The following DPY19L4 variants were observed in gnomAD, a reference collection of about 807,000 sequenced individuals.
DPY19L4 encodes the protein dpy-19 like 4.
Under a neutral mutation model 102.8 loss-of-function variants are expected in DPY19L4, and 97 were observed. The ratio of observed to expected loss-of-function variants is 0.94; its 90% CI spans 0.80 to 1.12. The LOEUF (loss-of-function observed/expected upper bound fraction) is 1.12, where lower values mean the gene tolerates loss of function less well. DPY19L4 is among the 50% of genes most tolerant of loss of function. DPY19L4 has a pLI of 0.00. For missense variants in DPY19L4, 815 were observed against 850.4 expected (o/e 0.96, Z 0.52); for synonymous variants, 252 against 283.1 (o/e 0.89, Z 1.10).
Position 94,792,019 on chromosome 8 carries a change from A to C in DPY19L4, c.*2109A>C, listed in dbSNP as rs908339647. 2.0e-5 allele frequency: 3 copies of C among 152,130 alleles called. No homozygotes were observed. Among genetic ancestry groups the C allele is most frequent in the Non-Finnish European group, 2.9e-5 (2 of 68,024 alleles). The allele number at this position is 152,130 out of a possible 1,614,324, so 9.4% of individuals were successfully genotyped here. On this transcript the variant is annotated 3_prime_UTR_variant, in exon 19 of 19. Transcript: ENST00000414645. ...TGGAAAGCATTTAGTTTATTTCTTC[A>C]CTTATTTGTAGAGTGAACAAATGAT...
chr8:94,747,554 C>CTTTTTTTTT (rs1012621845), intron 6 of DPY19L4, among the ~76,000 whole-genome samples: 1 of 105,498 alleles, frequency 9.5e-6, no homozygotes, highest in Non-Finnish European at 1.9e-5. Flanking sequence ...TATGATGGTT[C>CTTTTTTTTT]TTTTTTTTTT....
chr8:94,766,500 C>T, intron 10 of DPY19L4, 112 bp from the exon 11 acceptor site: 2 of 843,998 alleles, frequency 2.4e-6, no homozygotes, highest in Non-Finnish European at 3.7e-6. Context: ...ATTATTTATT[C>T]ATATTTTTGT....
At chr8:94,724,240 C>T (rs752341461) in intron 1 of DPY19L4, among the ~76,000 whole-genome samples, 13 of 152,278 alleles carry the variant, frequency 8.5e-5, no homozygotes, top group Middle Eastern at 3.4e-3. Context: ...GTTAATTTGA[C>T]TTCTGAAATT....
At chr8:94,732,936 A>C (rs1388033240) in intron 2 of DPY19L4, among the ~76,000 whole-genome samples, 1 of 149,750 alleles carries the variant, frequency 6.7e-6, no homozygotes, top group Admixed American at 6.7e-5. Context: ...TCAGCCTCCC[A>C]AGTAGCTGGG....
intron 6 of DPY19L4, among the ~76,000 whole-genome samples, chr8:94,746,587 A>G (rs1220314768): frequency 6.6e-6 from 1 of 152,194 alleles, no homozygotes; most frequent in African/African-American, 2.4e-5. Flanking sequence ...TTGTTTCTCA[A>G]ACTTCAGTTA....
intron 13 of DPY19L4, among the ~76,000 whole-genome samples, chr8:94,775,544 C>T (rs190847447): frequency 1.3e-5 from 2 of 152,292 alleles, no homozygotes; most frequent in Admixed American, 1.3e-4. Flanking sequence ...CCAGGCTAGT[C>T]GTGAACATCT....
At chr8:94,776,700 C>T (rs1380471843) in intron 13 of DPY19L4, among the ~76,000 whole-genome samples, 1 of 151,772 alleles carries the variant, frequency 6.6e-6, no homozygotes, top group East Asian at 2.0e-4. Context: ...TGCGGTGGCT[C>T]ATGCCTGTAA....
chr8:94,782,970 T>C (rs979941106), intron 16 of DPY19L4, among the ~76,000 whole-genome samples: 1 of 152,244 alleles, frequency 6.6e-6, no homozygotes, highest in African/African-American at 2.4e-5. Flanking sequence ...TTTGTATCTG[T>C]TTCCTCACTA....
chr8:94,734,899 A>G (rs1811130590), intron 3 of DPY19L4, 145 bp downstream of exon 3: 2 of 1,116,186 alleles, frequency 1.8e-6, no homozygotes, highest in African/African-American at 3.2e-5. Context: ...TAGTTACAGT[A>G]TCAACCTTAA....
intron 3 of DPY19L4, among the ~76,000 whole-genome samples, chr8:94,736,231 C>T (rs1811183949): frequency 6.6e-6 from 1 of 152,190 alleles, no homozygotes; most frequent in Non-Finnish European, 1.5e-5. Flanking sequence ...ACCTCCCAGA[C>T]ATCCCACTTC....
chr8:94,732,001 G>C (rs1053474316), intron 2 of DPY19L4, among the ~76,000 whole-genome samples: 22 of 152,002 alleles, frequency 1.4e-4, no homozygotes, highest in Non-Finnish European at 3.1e-4. Flanking sequence ...TCAATCTCCT[G>C]ATCTCGTGAT....
At chr8:94,751,793 T>G (rs1402777529) in intron 6 of DPY19L4, among the ~76,000 whole-genome samples, 1 of 152,192 alleles carries the variant, frequency 6.6e-6, no homozygotes, top group African/African-American at 2.4e-5. Flanking sequence ...CCCAGCATAA[T>G]TTGCTTTCAG....
chr8:94,728,911 G>A (rs1232643870), intron 2 of DPY19L4, among the ~76,000 whole-genome samples: 1 of 152,178 alleles, frequency 6.6e-6, no homozygotes, highest in Non-Finnish European at 1.5e-5. Context: ...ACCAGGCATG[G>A]TGGCTCGCGC....
intron 2 of DPY19L4, among the ~76,000 whole-genome samples, chr8:94,729,380 C>A (rs1399498725): frequency 1.2e-4 from 18 of 145,626 alleles, no homozygotes. Flanking sequence ...TTAAAACACA[C>A]ACACACACAA....
intron 12 of DPY19L4, 120 bp downstream of exon 12, chr8:94,768,673 C>A: frequency 2.9e-6 from 2 of 681,602 alleles, no homozygotes; most frequent in Non-Finnish European, 4.3e-6. Context: ...TTTCCATTCT[C>A]TTTTCATTGA....
chr8:94,749,889 A>G (rs917905672), intron 6 of DPY19L4, among the ~76,000 whole-genome samples: 1 of 152,218 alleles, frequency 6.6e-6, no homozygotes, highest in Non-Finnish European at 1.5e-5. Flanking sequence ...ATTAAGATAA[A>G]TTTCAGATGG....
At chr8:94,725,698 C>T (rs1030593118) in intron 1 of DPY19L4, among the ~76,000 whole-genome samples, 4 of 152,172 alleles carry the variant, frequency 2.6e-5, no homozygotes, top group Non-Finnish European at 4.4e-5. Context: ...TGCAGTGGCA[C>T]GATCTCGGCT....
At chr8:94,721,107 C>T (rs1006296043) in intron 1 of DPY19L4, among the ~76,000 whole-genome samples, 18 of 152,098 alleles carry the variant, frequency 1.2e-4, no homozygotes, top group African/African-American at 4.3e-4. Context: ...CCATCACGCC[C>T]GGTTAATGTT....
chr8:94,788,662 C>A (rs1047044885), intron 18 of DPY19L4, among the ~76,000 whole-genome samples: 1 of 144,768 alleles, frequency 6.9e-6, no homozygotes, highest in Non-Finnish European at 1.5e-5. Flanking sequence ...CATGTGTCTT[C>A]CCCCCCAGCC....
Sources: gnomAD v4.1 joint callset for allele counts (sites outside exome capture counted in the v4.1 genomes callset) on GRCh38, gnomAD v4.1.1 for gene constraint, MANE v1.5 for transcripts, NCBI Gene and HGNC (gene_info 2026-07-23, HGNC 2026-07-21) for gene names.